The following PTPRD variants were observed in gnomAD, a reference collection of about 807,000 sequenced individuals.
PTPRD encodes protein tyrosine phosphatase receptor type D, also known as receptor-type tyrosine-protein phosphatase delta.
PTPRD carries 34 observed loss-of-function variants against 214.5 expected under a neutral mutation model. That is an observed-to-expected ratio of 0.16 (90% confidence interval 0.12 to 0.21). PTPRD has a LOEUF of 0.21. Among genes scored for constraint, PTPRD ranks in the 10% least tolerant of loss-of-function variants. The pLI, the probability that PTPRD is intolerant of heterozygous loss-of-function variation, is 1.00. For missense variants in PTPRD, 2,545 were observed against 2,398.7 expected (o/e 1.06, Z -1.27); for synonymous variants, 1,128 against 845.7 (o/e 1.33, Z -5.79).
intron 11 of PTPRD, among the ~76,000 whole-genome samples, chr9:8,971,924 T>G (rs951126691): frequency 6.6e-6 from 1 of 151,826 alleles, no homozygotes; most frequent in Admixed American, 6.6e-5. Context: ...ATTATTCATA[T>G]TTTCCTACAC....
rs1308717488 is a variant in PTPRD, at chr9:9,624,796, T to C, written c.-286-50015A>G. On this transcript the variant is annotated intron_variant, in intron 7 of 45. Transcript: ENST00000381196. ...AGAGTTCTGGCCATGTTTCTTTAGG[T>C]TAAGTTGTTACAAATAAACTGAATA... Among the ~76,000 whole-genome samples the C allele has an allele frequency of 3.3e-5, 5 of 150,920 alleles. No individual in the cohort carries two copies. In the East Asian group the frequency reaches 9.8e-4, roughly 30 times the overall value.
At chr9:9,274,486 A>G (rs981905681) in intron 9 of PTPRD, among the ~76,000 whole-genome samples, 2 of 151,298 alleles carry the variant, frequency 1.3e-5, no homozygotes, top group Non-Finnish European at 3.0e-5. Flanking sequence ...TTAAGGTATT[A>G]TACTTCCAAG....
At chr9:8,384,012 C>T (rs922654845) in intron 37 of PTPRD, among the ~76,000 whole-genome samples, 1 of 152,104 alleles carries the variant, frequency 6.6e-6, no homozygotes, top group Admixed American at 6.6e-5. Flanking sequence ...AGGAGAGAAA[C>T]AGTCAAGAGA....
At chr9:8,995,721 C>T (rs2099394093) in intron 11 of PTPRD, among the ~76,000 whole-genome samples, 1 of 151,482 alleles carries the variant, frequency 6.6e-6, no homozygotes, top group Non-Finnish European at 1.5e-5. Flanking sequence ...AGCTCATTCA[C>T]AGAAGTTTCA....
At chr9:10,443,309 A>G (rs1231542428) in intron 2 of PTPRD, among the ~76,000 whole-genome samples, 5 of 151,650 alleles carry the variant, frequency 3.3e-5, no homozygotes, top group South Asian at 2.1e-4. Flanking sequence ...GTCTGATGAT[A>G]AATTGGGTTT....
intron 10 of PTPRD, among the ~76,000 whole-genome samples, chr9:9,086,424 G>T (rs530472972): frequency 2.0e-5 from 3 of 152,140 alleles, no homozygotes; most frequent in Admixed American, 1.3e-4. Context: ...TCTTAAGAAG[G>T]CTAGGAGCCT....
At chr9:8,902,723 G>A (rs965774765) in intron 11 of PTPRD, among the ~76,000 whole-genome samples, 24 of 152,060 alleles carry the variant, frequency 1.6e-4, no homozygotes, top group African/African-American at 5.8e-4. Flanking sequence ...TAGATCATAA[G>A]CTTGTAGGAA....
At chr9:10,605,618 G>A (rs1013192474) in intron 2 of PTPRD, among the ~76,000 whole-genome samples, 3 of 151,900 alleles carry the variant, frequency 2.0e-5, no homozygotes, top group East Asian at 1.9e-4. Context: ...CAGGATGACA[G>A]CAAAGGAGAA....
At chr9:8,323,218 T>G (rs866788034) in intron 44 of PTPRD, among the ~76,000 whole-genome samples, 1 of 152,174 alleles carries the variant, frequency 6.6e-6, no homozygotes, top group Non-Finnish European at 1.5e-5. Context: ...ATACTGCTCA[T>G]TGACAACATA....
At chr9:8,459,650 A>G (rs1481564759) in intron 33 of PTPRD, among the ~76,000 whole-genome samples, 1 of 152,108 alleles carries the variant, frequency 6.6e-6, no homozygotes, top group East Asian at 1.9e-4. Flanking sequence ...AGAGGCAGAA[A>G]TAAAATTGAA....
intron 4 of PTPRD, among the ~76,000 whole-genome samples, chr9:10,030,721 G>T (rs1015831917): frequency 1.3e-5 from 2 of 151,718 alleles, no homozygotes; most frequent in Non-Finnish European, 2.9e-5. Context: ...GAAAATCTTG[G>T]TTTTGATCAA....
At position 8,577,212 on chromosome 9, in the gene PTPRD, GAA is replaced by G. The variant is rs1437785755; in HGVS notation, c.353-48435_353-48434del. On this transcript the variant is annotated intron_variant, in intron 14 of 45. Transcript: ENST00000381196. ...CATATGCCATTCTTGCTGCCTGAAA[GAA>G]CTTGAACTCTTTTATTTTTTATTTG... 2.0e-5 allele frequency among the ~76,000 whole-genome samples: 3 copies of G among 151,514 alleles called. No individual in the cohort carries two copies. In the East Asian group the frequency reaches 5.8e-4, roughly 29 times the overall value.
intron 11 of PTPRD, among the ~76,000 whole-genome samples, chr9:9,003,798 T>C (rs978428693): frequency 5.3e-5 from 8 of 152,090 alleles, no homozygotes; most frequent in Non-Finnish European, 2.9e-5. Flanking sequence ...ACTAAGATTG[T>C]TAAAGACTTA....
chr9:9,629,177 A>T (rs2095511675), intron 7 of PTPRD, among the ~76,000 whole-genome samples: 1 of 151,086 alleles, frequency 6.6e-6, no homozygotes, highest in Non-Finnish European at 1.5e-5. Context: ...CTGTGAAAAA[A>T]TAAATAAATA....
intron 5 of PTPRD, among the ~76,000 whole-genome samples, chr9:9,917,315 A>AAG (rs1555331520): frequency 8.8e-5 from 13 of 147,512 alleles, no homozygotes; most frequent in African/African-American, 3.3e-4. Flanking sequence ...AAAAAAAAAA[A>AAG]AAAAAAAAGA....
At chr9:8,903,596 A>G (rs973220228) in intron 11 of PTPRD, among the ~76,000 whole-genome samples, 4 of 152,184 alleles carry the variant, frequency 2.6e-5, no homozygotes, top group Non-Finnish European at 4.4e-5. Flanking sequence ...TTTTGACATG[A>G]AGTATCCCCA....
intron 14 of PTPRD, among the ~76,000 whole-genome samples, chr9:8,589,484 G>C (rs533319629): frequency 6.6e-6 from 1 of 152,190 alleles, no homozygotes; most frequent in South Asian, 2.1e-4. Flanking sequence ...AAACATGGAA[G>C]AAAAAATATG....
intron 37 of PTPRD, among the ~76,000 whole-genome samples, chr9:8,383,189 G>A (rs2085728006): frequency 6.6e-6 from 1 of 152,036 alleles, no homozygotes; most frequent in Non-Finnish European, 1.5e-5. Context: ...TTTTTCTACT[G>A]CTTCATGCTC....
Position 10,463,806 on chromosome 9 carries a change from C to T in PTPRD, c.-599-122789G>A, listed in dbSNP as rs999828887. On this transcript the variant is annotated intron_variant, in intron 2 of 45. Coordinates refer to ENST00000381196, the MANE Select transcript of PTPRD (RefSeq NM_002839.4). The stretch of plus-strand genomic sequence containing the variant: ...GGTGTGATCCAAGAACTCTGCTTTA[C>T]CCAAGCAAGTTGTAATTCACATATG... 5.3e-5 allele frequency among the ~76,000 whole-genome samples: 8 copies of T among 151,676 alleles called. 1 individual carries two copies. Among genetic ancestry groups the T allele is most frequent in the African/African-American group, 1.9e-4 (8 of 41,126 alleles).
Sources: allele counts gnomAD v4.1 joint callset (sites outside exome capture counted in the v4.1 genomes callset), GRCh38; gene constraint gnomAD v4.1.1; transcripts MANE v1.5; gene names NCBI Gene and HGNC (gene_info 2026-07-23, HGNC 2026-07-21).